The following SPAST variants were observed in gnomAD, a reference collection of about 807,000 sequenced individuals.
SPAST encodes spastin.
In SPAST, 30 loss-of-function variants were observed where a neutral mutation model predicts 76.6. The ratio of observed to expected loss-of-function variants is 0.39; its 90% CI spans 0.29 to 0.53. The LOEUF (loss-of-function observed/expected upper bound fraction) is 0.53, where lower values mean the gene tolerates loss of function less well. Among genes scored for constraint, SPAST ranks in the 20% least tolerant of loss-of-function variants. The pLI, the probability that SPAST is intolerant of heterozygous loss-of-function variation, is 0.68. For missense variants in SPAST, 717 were observed against 770.5 expected (o/e 0.93, Z 0.82); for synonymous variants, 305 against 281.0 (o/e 1.09, Z -0.86).
At chr2:32,116,313 A>G in intron 7 of SPAST, 101 bp downstream of exon 7, 3 of 766,014 alleles carry the variant, frequency 3.9e-6, no homozygotes, top group Non-Finnish European at 2.3e-6. Flanking sequence ...AAAATAATTA[A>G]TTCATATAAG....
chr2:32,113,743 T>C (rs1381584260), intron 4 of SPAST, among the ~76,000 whole-genome samples: 1 of 151,132 alleles, frequency 6.6e-6, no homozygotes, highest in South Asian at 2.1e-4. Context: ...TTTTTTGTAT[T>C]TTTAGCAGAG....
intron 3 of SPAST, among the ~76,000 whole-genome samples, chr2:32,095,065 A>T (rs1677867727): frequency 6.6e-6 from 1 of 152,242 alleles, no homozygotes; most frequent in African/African-American, 2.4e-5. Flanking sequence ...ATAGACTCTA[A>T]GGGTAGAACC....
intron 7 of SPAST, chr2:32,126,715 G>T: frequency 2.3e-6 from 1 of 432,070 alleles, no homozygotes; most frequent in Non-Finnish European, 4.2e-6. Flanking sequence ...TTGAACTCTT[G>T]GGCTCATGTA....
rs532964944 is a variant in SPAST at position 32,063,599 on chromosome 2, C to T, written c.-233C>T. On this transcript the variant is annotated 5_prime_UTR_variant, in exon 1 of 17. Coordinates refer to ENST00000315285, the MANE Select transcript of SPAST (RefSeq NM_014946.4). Reference sequence around the variant, plus strand: ...CACCAGGCGGCGGAGAGGACAGCGACAGGAAGGGAGGGGCCCGAGCCACCG... The same window carrying T: ...CACCAGGCGGCGGAGAGGACAGCGATAGGAAGGGAGGGGCCCGAGCCACCG... 33 of 551,390 alleles carry T rather than the reference C, an allele frequency of 6.0e-5. No individual in the cohort carries two copies. The South Asian group carries it at 6.5e-4, about 11-fold the overall frequency. The allele number at this position is 551,390 out of a possible 1,614,324, so 34.2% of individuals were successfully genotyped here.
intron 9 of SPAST, among the ~76,000 whole-genome samples, chr2:32,133,461 A>G (rs1259096684): frequency 1.3e-5 from 2 of 152,150 alleles, no homozygotes; most frequent in Non-Finnish European, 2.9e-5. Flanking sequence ...AGACAAAGCT[A>G]GCATGCCTTT....
Position 32,098,839 on chromosome 2 carries a change from C to G in SPAST, c.630C>G (p.Asp210Glu). Residue 210 changes from aspartate to glutamate, a missense_variant, in exon 4 of 17, where the codon GAC becomes GAG. By Grantham distance (45) the Asp-to-Glu change is conservative (BLOSUM62 2). Around this residue, in one of 3 missense-constraint regions of SPAST, gnomAD observed 543 missense variants for 445.2 expected, o/e 1.22. Coordinates refer to ENST00000315285, the MANE Select transcript of SPAST (RefSeq NM_014946.4). ...TGCCATTTTCCAAGTCACAAACGGA[C>G]GTCTATAATGACAGTACTAACTTGG... ...PVLPFSKSQT[D>E]VYNDSTNLAC... The G allele has an allele frequency of 1.2e-6, 2 of 1,613,722 alleles. No individual in the cohort carries two copies. The highest frequency in any genetic ancestry group is 1.7e-6 in the Non-Finnish European group (2 of 1,179,810).
At chr2:32,105,999 G>A (rs1678305766) in intron 4 of SPAST, among the ~76,000 whole-genome samples, 1 of 152,174 alleles carries the variant, frequency 6.6e-6, no homozygotes, top group Non-Finnish European at 1.5e-5. Flanking sequence ...GTCAGACAGG[G>A]ACCTTTAAGT....
At chr2:32,133,817 C>T (rs1679447821) in intron 9 of SPAST, among the ~76,000 whole-genome samples, 1 of 152,018 alleles carries the variant, frequency 6.6e-6, no homozygotes, top group African/African-American at 2.4e-5. Context: ...TAACTGTCAC[C>T]TCCACTAGAA....
intron 1 of SPAST, among the ~76,000 whole-genome samples, chr2:32,071,795 G>T (rs895591036): frequency 3.9e-5 from 6 of 152,134 alleles, no homozygotes; most frequent in Admixed American, 2.6e-4. Flanking sequence ...AGCTACCAAG[G>T]TTTTTATTGT....
chr2:32,066,865 T>G (rs879594930), intron 1 of SPAST, among the ~76,000 whole-genome samples: 2 of 150,730 alleles, frequency 1.3e-5, no homozygotes, highest in African/African-American at 2.4e-5. Context: ...TCCCAGCTAC[T>G]TGGGGGGCTG....
intron 1 of SPAST, among the ~76,000 whole-genome samples, chr2:32,075,608 G>A (rs1223178622): frequency 1.6e-5 from 2 of 126,130 alleles, no homozygotes; most frequent in East Asian, 5.1e-4. Flanking sequence ...GGACTGCAGT[G>A]GTGCAATCTC....
chr2:32,103,553 G>A (rs1343804818), intron 4 of SPAST, among the ~76,000 whole-genome samples: 1 of 152,064 alleles, frequency 6.6e-6, no homozygotes, highest in African/African-American at 2.4e-5. Context: ...TTTTAATGGT[G>A]ATGTTAGGGT....
intron 14 of SPAST, among the ~76,000 whole-genome samples, chr2:32,144,520 G>C (rs529063286): frequency 8.5e-5 from 13 of 152,216 alleles, no homozygotes; most frequent in African/African-American, 2.9e-4. Context: ...CATAACTATG[G>C]GTTTGCTGAC....
chr2:32,092,380 A>T (rs1367801371), intron 3 of SPAST, among the ~76,000 whole-genome samples: 1 of 152,224 alleles, frequency 6.6e-6, no homozygotes, highest in African/African-American at 2.4e-5. Flanking sequence ...GTGTATATAT[A>T]AAGTATATAT....
At chr2:32,068,060 G>C (rs1208327423) in intron 1 of SPAST, among the ~76,000 whole-genome samples, 75 of 143,074 alleles carry the variant, frequency 5.2e-4, no homozygotes, top group African/African-American at 1.8e-3. Context: ...CTCACTGCTA[G>C]CTCCGCCTCC....
In SPAST at chr2:32,064,068, C is replaced by T; in HGVS notation, c.237C>T (p.Cys79=). The T allele has an allele frequency of 1.9e-6, 3 of 1,612,854 alleles. No homozygotes were observed. Among genetic ancestry groups the T allele is most frequent in the Middle Eastern group, 1.7e-4 (1 of 6,014 alleles). ...TGGGGCTCCTCTTCGTGTGGCTCTG[C>T]CAGCGCTTCTCCCGCGCCCTCATGG... The part of the protein sequence containing the change: ...FHLGLLFVWL[C]QRFSRALMAA... The change falls in exon 1 of 17, where the codon TGC becomes TGT. Residue 79 remains cysteine, a synonymous_variant. Coordinates refer to ENST00000315285, the MANE Select transcript of SPAST (RefSeq NM_014946.4).
chr2:32,143,617 G>A (rs1036598969), intron 14 of SPAST, among the ~76,000 whole-genome samples: 1 of 152,044 alleles, frequency 6.6e-6, no homozygotes, highest in African/African-American at 2.4e-5. Context: ...CACTGGCTAT[G>A]TCCTTTGCAA....
At chr2:32,084,910 A>AG in intron 1 of SPAST, among the ~76,000 whole-genome samples, 1 of 138,520 alleles carries the variant, frequency 7.2e-6, no homozygotes, top group African/African-American at 2.7e-5. Flanking sequence ...AAAAAAAAAA[A>AG]GGGAAGGAGC....
At chr2:32,129,267 T>TA (rs5830221) in intron 9 of SPAST, 4 of 151,586 alleles carry the variant, frequency 2.6e-5, no homozygotes, top group African/African-American at 4.8e-5. Flanking sequence ...TTTTTTTTTT[T>TA]ATAATAGAGA....
Sources: gnomAD v4.1 joint callset for allele counts (sites outside exome capture counted in the v4.1 genomes callset) on GRCh38, gnomAD v4.1.1 for gene constraint, gnomAD v4.1.1 regional missense constraint, MANE v1.5 for transcripts, NCBI Gene and HGNC (gene_info 2026-07-23, HGNC 2026-07-21) for gene names.